LINGO2: variants seen among roughly 807,000 people sequenced by gnomAD.
LINGO2 encodes the protein leucine rich repeat and Ig domain containing 2.
In LINGO2, 14 loss-of-function variants were observed where a neutral mutation model predicts 30.6. That is an observed-to-expected ratio of 0.46 (90% CI 0.30 to 0.72). The LOEUF is 0.72. Among genes scored for constraint, LINGO2 ranks in the 30% least tolerant of loss-of-function variants. The pLI is 0.07. For synonymous variants in LINGO2, 317 were observed against 288.5 expected (o/e 1.10, Z -1.00); for missense variants, 729 against 751.7 (o/e 0.97, Z 0.35).
the LINGO2 span, among the ~76,000 whole-genome samples, chr9:28,839,729 A>G: frequency 2.6e-5 from 4 of 152,094 alleles, no homozygotes; most frequent in African/African-American, 9.7e-5. Context: ...ATAAGTTCTC[A>G]CTTTGGTCTG....
the LINGO2 span, among the ~76,000 whole-genome samples, chr9:28,931,264 G>A: frequency 6.6e-6 from 1 of 152,262 alleles, no homozygotes; most frequent in Admixed American, 6.5e-5. Context: ...AGCATTTATC[G>A]GAGTTGGAGA....
intron 4 of LINGO2, among the ~76,000 whole-genome samples, chr9:28,120,813 C>G (rs1469546685): frequency 1.3e-5 from 2 of 152,266 alleles, no homozygotes; most frequent in East Asian, 1.9e-4. Context: ...ACAAGGTTCT[C>G]CTTGCCCAGA....
chr9:28,104,146 T>A (rs1395690833), intron 4 of LINGO2, among the ~76,000 whole-genome samples: 1 of 151,936 alleles, frequency 6.6e-6, no homozygotes, highest in African/African-American at 2.4e-5. Flanking sequence ...CCTACTCCTC[T>A]CTGTCCTTCT....
At chr9:28,962,569 T>C in the LINGO2 span, among the ~76,000 whole-genome samples, 4 of 151,946 alleles carry the variant, frequency 2.6e-5, no homozygotes, top group South Asian at 4.1e-4. Context: ...AGCTAAATTA[T>C]TGTATACACA....
At chr9:28,837,718 A>G in the LINGO2 span, among the ~76,000 whole-genome samples, 70,746 of 130,928 alleles carry the variant, frequency 0.54, 19,766 homozygotes, top group Middle Eastern at 0.69. Flanking sequence ...TGCAGTGCCT[A>G]CAAGCCTCCA....
chr9:29,146,055 G>T, the LINGO2 span, among the ~76,000 whole-genome samples: 1 of 152,056 alleles, frequency 6.6e-6, no homozygotes. Flanking sequence ...GCATGTAAAG[G>T]TCAGTTATCA....
At chr9:28,313,305 T>C (rs1396319090) in intron 3 of LINGO2, among the ~76,000 whole-genome samples, 1 of 152,188 alleles carries the variant, frequency 6.6e-6, no homozygotes, top group Non-Finnish European at 1.5e-5. Flanking sequence ...GTCTCTGGGC[T>C]CCTGCTCACA....
intron 4 of LINGO2, among the ~76,000 whole-genome samples, chr9:28,183,329 C>G (rs1406288201): frequency 6.6e-6 from 1 of 151,644 alleles, no homozygotes; most frequent in Non-Finnish European, 1.5e-5. Flanking sequence ...GGGGAGGGAA[C>G]TTAGAGGTCA....
chr9:28,629,883 T>A (rs1377118325), intron 1 of LINGO2, among the ~76,000 whole-genome samples: 1 of 152,050 alleles, frequency 6.6e-6, no homozygotes, highest in Admixed American at 6.6e-5. Context: ...AAAAGTTTCA[T>A]CTAGCATTAG....
the LINGO2 span, among the ~76,000 whole-genome samples, chr9:29,077,266 AAAAG>A: frequency 6.6e-6 from 1 of 152,082 alleles, no homozygotes. Flanking sequence ...ACTTTAAAAA[AAAAG>A]AAATCATGAA....
At position 28,606,390 on chromosome 9, in the gene LINGO2, A is replaced by G. The variant is rs368291384; in HGVS notation, c.-365+63810T>C. Reference sequence around the variant, plus strand: ...ACTGGAGAATAAATGACTTTACTGGAGACTCTACTGGAGAATAAATGACTT... The same window carrying G: ...ACTGGAGAATAAATGACTTTACTGGGGACTCTACTGGAGAATAAATGACTT... On this transcript the variant is annotated intron_variant, in intron 1 of 5. Coordinates refer to ENST00000379992, the Ensembl canonical transcript of LINGO2. Among the ~76,000 whole-genome samples, 26 of 152,028 alleles carry G rather than the reference A, an allele frequency of 1.7e-4. No individual in the cohort carries two copies. The South Asian group carries it at 5.4e-3, about 32-fold the overall frequency.
chr9:28,664,128 T>C (rs1828698056), intron 1 of LINGO2, among the ~76,000 whole-genome samples: 1 of 152,122 alleles, frequency 6.6e-6, no homozygotes, highest in Admixed American at 6.6e-5. Flanking sequence ...TTGGTTTTGA[T>C]GCAGAATAAA....
the LINGO2 span, among the ~76,000 whole-genome samples, chr9:29,159,725 G>C: frequency 6.6e-6 from 1 of 151,976 alleles, no homozygotes; most frequent in South Asian, 2.1e-4. Context: ...GGGTATGGTG[G>C]TGGGCGCCAG....
At chr9:28,958,480 A>G in the LINGO2 span, among the ~76,000 whole-genome samples, 8 of 152,084 alleles carry the variant, frequency 5.3e-5, no homozygotes, top group Non-Finnish European at 1.0e-4. Context: ...GGTACTGAAA[A>G]AAGGGGTGCT....
At chr9:29,152,044 C>T in the LINGO2 span, among the ~76,000 whole-genome samples, 5 of 152,120 alleles carry the variant, frequency 3.3e-5, 1 homozygote, top group East Asian at 7.7e-4. Flanking sequence ...ATACAAGTGG[C>T]CAACAAACAT....
At chr9:28,100,453 A>T (rs1194528916) in intron 4 of LINGO2, among the ~76,000 whole-genome samples, 1 of 152,172 alleles carries the variant, frequency 6.6e-6, no homozygotes, top group Non-Finnish European at 1.5e-5. Flanking sequence ...TGGAGATTTG[A>T]ACAATGTTAT....
the LINGO2 span, among the ~76,000 whole-genome samples, chr9:28,969,589 A>G: frequency 6.6e-6 from 1 of 152,106 alleles, no homozygotes; most frequent in Non-Finnish European, 1.5e-5. Context: ...AAGCAGAAAA[A>G]CCAGTCAGGA....
rs187580731 is a variant in LINGO2 at position 27,998,286 on chromosome 9, G to A, written c.-36+14069C>T. ...TGACTCTTTTGGAATGCTCACTTTC[G>A]GTGAAGCCAGCTGCCATGTAAAAAT... On this transcript the variant is annotated intron_variant, in intron 5 of 5. Coordinates refer to ENST00000379992, the Ensembl canonical transcript of LINGO2. Among the ~76,000 whole-genome samples the A allele has an allele frequency of 1.7e-3, 259 of 152,262 alleles. 1 individual carries two copies. Among genetic ancestry groups the A allele is most frequent in the African/African-American group, 5.0e-3 (206 of 41,566 alleles).
intron 2 of LINGO2, among the ~76,000 whole-genome samples, chr9:28,438,846 ATAT>A (rs1824061629): frequency 2.1e-5 from 3 of 146,172 alleles, no homozygotes; most frequent in African/African-American, 5.0e-5. Context: ...ATATATATAT[ATAT>A]AATGAGATAT....
Sources: gnomAD v4.1 joint callset for allele counts (sites outside exome capture counted in the v4.1 genomes callset) on GRCh38, gnomAD v4.1.1 for gene constraint, MANE v1.5 for transcripts, NCBI Gene and HGNC (gene_info 2026-07-23, HGNC 2026-07-21) for gene names.